The following RTBDN variants were observed in gnomAD, a reference collection of about 807,000 sequenced individuals.
The protein encoded by RTBDN is retbindin.
Under a neutral mutation model 21.9 loss-of-function variants are expected in RTBDN, and 24 were observed. The observed-to-expected ratio is 1.10, with a 90% CI of 0.79 to 1.54. The LOEUF (loss-of-function observed/expected upper bound fraction) is 1.54. RTBDN is among the 40% of genes most tolerant of loss of function. The pLI is 0.00. For synonymous variants in RTBDN, 141 were observed against 125.9 expected (o/e 1.12, Z -0.80); for missense variants, 325 against 315.2 (o/e 1.03, Z -0.23).
rs1450893476 is a variant in RTBDN, at chr19:12,829,806, C to G, written c.169+5G>C. 5 of 1,606,234 alleles carry G rather than the reference C, an allele frequency of 3.1e-6. No homozygotes were observed. The African/African-American group carries it at 6.7e-5, about 21-fold the overall frequency. On this transcript the variant is annotated splice_donor_5th_base_variant and intron_variant, in intron 2 of 5. Coordinates refer to ENST00000674343, the MANE Select transcript of RTBDN (RefSeq NM_001270441.2). ...TGGTGGTGAGGCAGGGTCTGGGGTGCTCACCTGCCAGGTGCAGCTTGCCTT... is the reference window on the plus strand; with the variant it reads ...TGGTGGTGAGGCAGGGTCTGGGGTGGTCACCTGCCAGGTGCAGCTTGCCTT...
intron 1 of RTBDN, among the ~76,000 whole-genome samples, chr19:12,833,685 C>T (rs1969655410): frequency 6.6e-6 from 1 of 152,006 alleles, no homozygotes; most frequent in South Asian, 2.1e-4. Flanking sequence ...CTCTCGGCAG[C>T]TTGGCTCCCA....
chr19:12,834,784 C>T (rs769689293), upstream of RTBDN: 2 of 1,614,114 alleles, frequency 1.2e-6, no homozygotes, highest in African/African-American at 2.7e-5. The surrounding 1 kb of genome is among the most constrained non-coding windows in gnomAD (Gnocchi z 4.7). Flanking sequence ...GGAGCTCCTA[C>T]CTCCAAGGTG....
chr19:12,835,202 C>T, upstream of RTBDN: 1 of 1,156,410 alleles, frequency 8.6e-7, no homozygotes, highest in Non-Finnish European at 1.3e-6. Context: ...AAGGACCTTC[C>T]AGGCGTCTGG....
intron 2 of RTBDN, 140 bp from the exon 3 acceptor site, chr19:12,829,093 G>A (rs1207079198): frequency 1.5e-6 from 2 of 1,350,788 alleles, no homozygotes; most frequent in East Asian, 5.1e-5. Context: ...CCTTCCTTTG[G>A]AATGCAAATG....
In RTBDN at chr19:12,825,828, G is replaced by GT; in HGVS notation, c.567dup (p.Pro190ThrfsTer47). The stretch of plus-strand genomic sequence containing the variant: ...CCCCGTCGTCCTGGTCTGGGACGAG[G>GT]TACCGCGGAGATGGAGATGTTGAAG... On this transcript the variant is annotated frameshift_variant, in exon 6 of 6. Transcript: ENST00000674343. LOFTEE classifies it low-confidence loss of function (END_TRUNC). 6.2e-7 allele frequency: 1 copy of GT among 1,613,536 alleles called. No homozygotes were observed. The highest frequency in any genetic ancestry group is 8.5e-7 in the Non-Finnish European group (1 of 1,179,830).
upstream of RTBDN, chr19:12,835,233 G>A: frequency 1.2e-6 from 1 of 830,072 alleles, no homozygotes; most frequent in East Asian, 2.6e-5. Flanking sequence ...AGCCAGACAT[G>A]AGTTGGAAAA....
chr19:12,834,699 T>A, upstream of RTBDN: 2 of 1,550,192 alleles, frequency 1.3e-6, no homozygotes, highest in Non-Finnish European at 1.8e-6. The surrounding 1 kb of genome is among the most constrained non-coding windows in gnomAD (Gnocchi z 4.7). Flanking sequence ...GCAGGAGCCG[T>A]GCGTCCACTG....
intron 1 of RTBDN, among the ~76,000 whole-genome samples, chr19:12,831,082 T>C (rs142328771): frequency 3.5e-5 from 5 of 141,322 alleles, no homozygotes; most frequent in African/African-American, 1.3e-4. Context: ...TGGGGGAGGA[T>C]TGTGTGTCCC....
chr19:12,830,349 C>T lies in RTBDN; in HGVS notation c.-18-352G>A, dbSNP rs960524425. 2.0e-6 allele frequency: 2 copies of T among 1,022,786 alleles called. No individual in the cohort carries two copies. Among genetic ancestry groups the T allele is most frequent in the African/African-American group, 3.4e-5 (2 of 58,714 alleles). The allele number at this position is 1,022,786 out of a possible 1,614,324, so 63.4% of individuals were successfully genotyped here. A position where few individuals can be genotyped will look rare whatever the true frequency, so the allele number is the denominator to read the frequency against. ...GGGACCTCCCTAGGTCTTCCAATCCCCCTCTCCTGTTCAGTAATTCCTCCC... is the reference window on the plus strand; with the variant it reads ...GGGACCTCCCTAGGTCTTCCAATCCTCCTCTCCTGTTCAGTAATTCCTCCC... On this transcript the variant is annotated intron_variant, in intron 1 of 5. Transcript: ENST00000674343. This position sits in a 1 kb window ranked among gnomAD's most constrained non-coding sequence, Gnocchi z 4.2.
intron 2 of RTBDN, 21 bp from the exon 3 acceptor site, chr19:12,828,974 G>T: frequency 6.2e-7 from 1 of 1,613,946 alleles, no homozygotes; most frequent in South Asian, 1.1e-5. Flanking sequence ...GGAACCCTGT[G>T]AGCTAGGGTC....
At chr19:12,829,039 G>C (rs748434154) in intron 2 of RTBDN, 86 bp from the exon 3 acceptor site, 4 of 1,571,460 alleles carry the variant, frequency 2.5e-6, no homozygotes, top group Non-Finnish European at 3.5e-6. Flanking sequence ...CTGGACAGGG[G>C]AGACAACAAT....
chr19:12,828,015 C>G (rs2145849844), intron 4 of RTBDN, among the ~76,000 whole-genome samples: 1 of 151,544 alleles, frequency 6.6e-6, no homozygotes, highest in South Asian at 2.1e-4. Flanking sequence ...ATCACTTGAA[C>G]CCAGGAGGCT....
In RTBDN at chr19:12,828,135, C is replaced by T. The variant is rs1015579616; in HGVS notation, c.365+522G>A. On this transcript the variant is annotated intron_variant, in intron 4 of 5. Transcript: ENST00000674343. ...AAAAAAGGCCGGGCACGGTGGCTCA[C>T]GCCTGTAATCCCAGCACTTTGGGAG... is the stretch of plus-strand genomic sequence containing the variant. Among the ~76,000 whole-genome samples the T allele has an allele frequency of 2.4e-4, 37 of 151,216 alleles. 1 individual carries two copies. Among genetic ancestry groups the T allele is most frequent in the African/African-American group, 7.5e-4 (31 of 41,262 alleles).
In RTBDN at chr19:12,830,937, G is replaced by A. The variant is rs1300464025; in HGVS notation, c.-18-940C>T. On this transcript the variant is annotated intron_variant, in intron 1 of 5. Coordinates refer to ENST00000674343, the MANE Select transcript of RTBDN (RefSeq NM_001270441.2). The surrounding 1 kb of genome is among the most constrained non-coding windows in gnomAD (Gnocchi z 4.2). ...CCAGGCACCTGTGTCTTTTGTTTGT[G>A]TGGCTGTGTGTGTGTTGAGCATGTA... Among the ~76,000 whole-genome samples, 1 of 151,144 alleles carries A rather than the reference G, an allele frequency of 6.6e-6. No homozygotes were observed. The highest frequency in any genetic ancestry group is 1.5e-5 in the Non-Finnish European group (1 of 67,878).
Position 12,830,052 on chromosome 19 carries a change from C to T in RTBDN, c.-18-55G>A, listed in dbSNP as rs1412925268. The stretch of plus-strand genomic sequence containing the variant: ...CCCTTTCTGTGAGCTTAGGGTGGCA[C>T]CCACCCAGTGCATACCCAAGAAGCA... On this transcript the variant is annotated intron_variant, in intron 1 of 5. Transcript: ENST00000674343. This position sits in a 1 kb window ranked among gnomAD's most constrained non-coding sequence, Gnocchi z 4.2. 4 of 1,550,658 alleles carry T rather than the reference C, an allele frequency of 2.6e-6. No individual in the cohort carries two copies. Among genetic ancestry groups the T allele is most frequent in the Admixed American group, 3.4e-5 (2 of 58,064 alleles).
At chr19:12,834,729 G>A, upstream of RTBDN, 9 of 1,586,818 alleles carry the variant, frequency 5.7e-6, no homozygotes, top group Non-Finnish European at 7.8e-6. The surrounding 1 kb of genome is among the most constrained non-coding windows in gnomAD (Gnocchi z 4.7). Context: ...GGACACTGAG[G>A]ATCGCTGTGG....
Position 12,829,905 on chromosome 19 carries a change from T to C in RTBDN, c.75A>G (p.Leu25=), listed in dbSNP as rs1352463718. 2.5e-6 allele frequency: 4 copies of C among 1,614,042 alleles called. No individual in the cohort carries two copies. Among genetic ancestry groups the C allele is most frequent in the Non-Finnish European group, 1.7e-6 (2 of 1,180,032 alleles). The change falls in exon 2 of 6, where the codon CTA becomes CTG. Residue 25 remains leucine, a synonymous_variant. Transcript: ENST00000674343. ...GTGGGCGGCTCCCTCCACAGGCTTC[T>C]AGCAGGATCCATGCCAAGGTCAGTT... ...VLQLTLAWIL[L]EACGGSRPLQ... is the part of the protein sequence containing the mutation.
rs78155676 is a variant in RTBDN, at chr19:12,830,386, C to A, written c.-18-389G>T. On this transcript the variant is annotated intron_variant, in intron 1 of 5. Transcript: ENST00000674343. The surrounding 1 kb of genome is among the most constrained non-coding windows in gnomAD (Gnocchi z 4.2). ...CAGTAATTCCTCCCTCTCTTCTATG[C>A]GGCCTCCCTCCTCCCTCTCTCGCTC... The A allele has an allele frequency of 1.0e-6, 1 of 994,418 alleles. No homozygotes were observed. Among genetic ancestry groups the A allele is most frequent in the Non-Finnish European group, 1.2e-6 (1 of 836,008 alleles). 61.6% of individuals were successfully genotyped at this position (994,418 alleles called of 1,614,324 possible).
intron 4 of RTBDN, among the ~76,000 whole-genome samples, chr19:12,828,050 G>T (rs1969385045): frequency 6.8e-6 from 1 of 148,048 alleles, no homozygotes; most frequent in African/African-American, 2.5e-5. Context: ...CTGAGATCGT[G>T]TCACTGCACT....
Sources: gnomAD v4.1 joint callset for allele counts (sites outside exome capture counted in the v4.1 genomes callset) on GRCh38, gnomAD v4.1.1 for gene constraint, Gnocchi (gnomAD v3.1) non-coding constraint, MANE v1.5 for transcripts, NCBI Gene and HGNC (gene_info 2026-07-23, HGNC 2026-07-21) for gene names.